The following SEC14L5 variants were observed in gnomAD, a reference collection of about 807,000 sequenced individuals.
SEC14L5 encodes SEC14 like lipid binding 5.
Under a neutral mutation model 84.6 loss-of-function variants are expected in SEC14L5, and 96 were observed. The observed-to-expected ratio is 1.13, with a 90% CI of 0.96 to 1.34. The LOEUF is 1.34. Among genes scored for constraint, SEC14L5 ranks in the 40% most tolerant of loss-of-function variants. The probability of loss-of-function intolerance (pLI) is 0.00; values close to 1 mark genes in which losing one functional copy is unlikely to be tolerated. For missense variants in SEC14L5, 1,224 were observed against 942.5 expected, an observed-to-expected ratio of 1.30 and a Z score of -3.91; for synonymous variants, 546 against 383.4, an observed-to-expected ratio of 1.42 and a Z score of -4.95.
chr16:5,010,251 C>G (rs972780998), intron 14 of SEC14L5, among the ~76,000 whole-genome samples: 10 of 143,950 alleles, frequency 6.9e-5, no homozygotes, highest in Non-Finnish European at 1.3e-4. Flanking sequence ...GTAATCCCAG[C>G]TACTCGGGAG....
chr16:4,973,680 CTTTT>C (rs34324146), intron 2 of SEC14L5, among the ~76,000 whole-genome samples: 3 of 127,106 alleles, frequency 2.4e-5, no homozygotes, highest in Admixed American at 8.0e-5. Flanking sequence ...TTCTCTGTCT[CTTTT>C]TTTTTTTTTT....
At chr16:4,961,884 G>T (rs12386025) in intron 2 of SEC14L5, among the ~76,000 whole-genome samples, 1 of 152,090 alleles carries the variant, frequency 6.6e-6, no homozygotes, top group Non-Finnish European at 1.5e-5. Context: ...TTGGGTCTTA[G>T]AACATGTGAG....
chr16:4,993,662 A>T (rs532286853), intron 6 of SEC14L5, among the ~76,000 whole-genome samples: 221 of 152,336 alleles, frequency 1.5e-3, no homozygotes, highest in Non-Finnish European at 2.5e-3. Flanking sequence ...TAATTTTTTT[A>T]AAATGTCTGT....
At chr16:4,975,792 G>C (rs754421442) in intron 2 of SEC14L5, among the ~76,000 whole-genome samples, 5 of 152,160 alleles carry the variant, frequency 3.3e-5, no homozygotes, top group African/African-American at 4.8e-5. Flanking sequence ...GGTTGATAGG[G>C]AGACTCCTGA....
At position 5,008,927 on chromosome 16, in the gene SEC14L5, C is replaced by T. The variant is rs189763564; in HGVS notation, c.1800+279C>T. Among the ~76,000 whole-genome samples, 1,056 of 152,304 alleles carry T rather than the reference C, an allele frequency of 6.9e-3. 7 individuals are homozygous for T. The highest frequency in any genetic ancestry group is 0.011 in the Non-Finnish European group (730 of 68,018). On this transcript the variant is annotated intron_variant, in intron 14 of 15. Transcript: ENST00000251170. ...CACAGGGTCTGGAACCTGAGTTTCC[C>T]CATCTGGGAAATGGGACTTCTAACA...
chr16:4,983,585 G>A (rs1379412194), intron 2 of SEC14L5, among the ~76,000 whole-genome samples: 2 of 150,584 alleles, frequency 1.3e-5, no homozygotes, highest in Non-Finnish European at 3.0e-5. Flanking sequence ...AATAATATAT[G>A]TATACATGTG....
intron 2 of SEC14L5, among the ~76,000 whole-genome samples, chr16:4,970,435 C>A (rs565906689): frequency 6.6e-6 from 1 of 152,184 alleles, no homozygotes; most frequent in Non-Finnish European, 1.5e-5. Flanking sequence ...AAGTGGCTGG[C>A]AGCGTCATCA....
chr16:5,008,512 A>G lies in SEC14L5; in HGVS notation c.1664A>G (p.Lys555Arg). 1 of 1,611,198 alleles carries G rather than the reference A, an allele frequency of 6.2e-7. No homozygotes were observed. Among genetic ancestry groups the G allele is most frequent in the Non-Finnish European group, 8.5e-7 (1 of 1,178,916 alleles). The change falls in exon 14 of 16, where the codon AAG (lysine) becomes AGG (arginine). Residue 555 changes from lysine to arginine, a missense_variant. Transcript: ENST00000251170. ...GDVVFSLYHT[K>R]QAPRLGAREP... ...GTGGTGTTCAGCCTGTACCACACCA[A>G]GCAGGCGCCCAGGCTGGGCGCCCGG...
intron 2 of SEC14L5, among the ~76,000 whole-genome samples, chr16:4,978,152 C>T (rs1432919053): frequency 4.0e-5 from 4 of 101,068 alleles, no homozygotes; most frequent in Admixed American, 1.1e-4. Context: ...CGGTGGCTCA[C>T]GCCTGTAATC....
rs919341695 is a variant in SEC14L5 at position 4,983,894 on chromosome 16, AAATAAATAAATAAAT to A, written c.64-3660_64-3646del. Among the ~76,000 whole-genome samples the A allele has an allele frequency of 1.2e-4, 13 of 111,642 alleles. 1 individual carries two copies. Among genetic ancestry groups the A allele is most frequent in the Admixed American group, 1.0e-3 (11 of 11,006 alleles). The allele number at this position is 111,642 out of a possible 152,430, so 73.2% of individuals were successfully genotyped here. ...CTCTGTCTCAAATAAATAAATAAAT[AAATAAATAAATAAAT>A]AAATAAATAGTATATGTATACATGT... On this transcript the variant is annotated intron_variant, in intron 2 of 15. Transcript: ENST00000251170.
Position 5,005,302 on chromosome 16 carries a change from G to A in SEC14L5, c.1303-612G>A, listed in dbSNP as rs558042723. Reference sequence around the variant, plus strand: ...TGCACTCAAGCCTGGGAGACAGAGCGAGACTCTGTCTCCGAAACAAAAACA... The same window carrying A: ...TGCACTCAAGCCTGGGAGACAGAGCAAGACTCTGTCTCCGAAACAAAAACA... On this transcript the variant is annotated intron_variant, in intron 11 of 15. Coordinates refer to ENST00000251170, the MANE Select transcript of SEC14L5 (RefSeq NM_014692.2). Among the ~76,000 whole-genome samples, 111 of 151,506 alleles carry A rather than the reference G, an allele frequency of 7.3e-4. 1 individual carries two copies. Among genetic ancestry groups the A allele is most frequent in the African/African-American group, 2.6e-3 (107 of 41,270 alleles).
chr16:5,008,729 G>A (rs764063976), intron 14 of SEC14L5, 81 bp downstream of exon 14: 101 of 1,275,514 alleles, frequency 7.9e-5, no homozygotes, highest in African/African-American at 4.0e-4. Flanking sequence ...GGGATACAGC[G>A]GAGGACATAC....
At chr16:4,990,624 C>T (rs191107778) in intron 4 of SEC14L5, 143 bp from the exon 5 acceptor site, 4 of 696,888 alleles carry the variant, frequency 5.7e-6, no homozygotes, top group Non-Finnish European at 2.2e-6. Context: ...GCCCCTTGGT[C>T]CTGCTACCCC....
rs748234118 is a variant in SEC14L5, at chr16:5,000,933, C to A, written c.1130+8C>A. 22 of 1,599,410 alleles carry A rather than the reference C, an allele frequency of 1.4e-5. No individual in the cohort carries two copies. The African/African-American group carries it at 2.5e-4, about 18-fold the overall frequency. On this transcript the variant is annotated splice_region_variant and intron_variant, in intron 10 of 15. Transcript: ENST00000251170. ...GCTGGGCCGTCCCATCAGGCAAACA[C>A]CTGGGCTGGGCACAAATCCCCCCTA...
At chr16:4,976,200 G>C (rs1955336790) in intron 2 of SEC14L5, among the ~76,000 whole-genome samples, 1 of 152,188 alleles carries the variant, frequency 6.6e-6, no homozygotes, top group Non-Finnish European at 1.5e-5. Context: ...CAAGTAGCAA[G>C]GTAGCTACTT....
At chr16:4,998,258 T>C (rs1335529878) in intron 8 of SEC14L5, among the ~76,000 whole-genome samples, 1 of 151,196 alleles carries the variant, frequency 6.6e-6, no homozygotes, top group Non-Finnish European at 1.5e-5. Flanking sequence ...CCGCCCGCCT[T>C]GGCCTCCTGA....
At chr16:4,967,729 TG>T (rs1371417198) in intron 2 of SEC14L5, among the ~76,000 whole-genome samples, 1 of 148,226 alleles carries the variant, frequency 6.7e-6, no homozygotes, top group Non-Finnish European at 1.5e-5. Flanking sequence ...CCCGCCACCA[TG>T]CCTGGCTGAT....
At chr16:5,009,298 C>T (rs892575432) in intron 14 of SEC14L5, among the ~76,000 whole-genome samples, 1 of 152,098 alleles carries the variant, frequency 6.6e-6, no homozygotes, top group Non-Finnish European at 1.5e-5. Flanking sequence ...CACAGTTAGG[C>T]CCCATCTTAA....
At chr16:5,005,360 G>A (rs117272414) in intron 11 of SEC14L5, among the ~76,000 whole-genome samples, 3,869 of 151,574 alleles carry the variant, frequency 0.026, 66 homozygotes, top group Middle Eastern at 0.082. Context: ...CAAATCCACA[G>A]AGACAGAGTG....
Sources: allele counts gnomAD v4.1 joint callset (sites outside exome capture counted in the v4.1 genomes callset), GRCh38; gene constraint gnomAD v4.1.1; transcripts MANE v1.5; gene names NCBI Gene and HGNC (gene_info 2026-07-23, HGNC 2026-07-21).